The following MYOF variants were observed in gnomAD, a reference collection of about 807,000 sequenced individuals.
MYOF encodes the protein fer-1-like 3, myoferlin.
MYOF carries 244 observed loss-of-function variants against 284.2 expected under a neutral mutation model. That is an observed-to-expected ratio of 0.86 (90% CI 0.77 to 0.95). The LOEUF is 0.95. MYOF is among the 40% of genes least tolerant of loss of function. The probability of loss-of-function intolerance (pLI) is 0.00; values close to 1 mark genes in which losing one functional copy is unlikely to be tolerated. For synonymous variants in MYOF, 904 were observed against 919.7 expected (o/e 0.98, Z 0.31); for missense variants, 2,496 against 2,560.6 (o/e 0.97, Z 0.54).
intron 12 of MYOF, 90 bp downstream of exon 12, chr10:93,401,328 G>A: frequency 6.6e-7 from 1 of 1,519,584 alleles, no homozygotes; most frequent in East Asian, 2.3e-5. Context: ...CATACGATAG[G>A]GACACGAATC....
intron 5 of MYOF, among the ~76,000 whole-genome samples, chr10:93,410,963 T>C (rs1398119815): frequency 5.3e-5 from 8 of 152,238 alleles, no homozygotes; most frequent in Admixed American, 3.9e-4. Context: ...TTTCGAGCTA[T>C]GTGAGTCTGA....
intron 46 of MYOF, chr10:93,323,582 C>T (rs2761288): frequency 0.79 from 433,073 of 544,804 alleles, 173,772 homozygotes; most frequent in East Asian, 0.91. Flanking sequence ...GGGTCTCTGA[C>T]GGCTGCACAT....
chr10:93,365,389 T>C (rs1031516604), intron 26 of MYOF, among the ~76,000 whole-genome samples: 4 of 152,226 alleles, frequency 2.6e-5, no homozygotes, highest in Non-Finnish European at 4.4e-5. Context: ...AGGGGAACCA[T>C]CTTTACCACC....
intron 50 of MYOF, 122 bp downstream of exon 50, chr10:93,316,589 TCCC>T: frequency 1.2e-6 from 1 of 802,554 alleles, no homozygotes; most frequent in Non-Finnish European, 2.1e-6. Context: ...GTATCCCCTG[TCCC>T]CCCACCAGGC....
At chr10:93,399,909 T>C (rs1047813122) in intron 12 of MYOF, among the ~76,000 whole-genome samples, 6 of 152,084 alleles carry the variant, frequency 3.9e-5, no homozygotes, top group Non-Finnish European at 7.4e-5. Flanking sequence ...TGGTGGCACA[T>C]GCCTGTAATC....
At chr10:93,470,226 C>T (rs12245718) in intron 1 of MYOF, among the ~76,000 whole-genome samples, 7,131 of 106,938 alleles carry the variant, frequency 0.067, 429 homozygotes, top group East Asian at 0.28. Context: ...GAGACTCCAT[C>T]TCAAAAAAAA....
chr10:93,383,867 C>T (rs555616715), intron 19 of MYOF, among the ~76,000 whole-genome samples: 11 of 152,188 alleles, frequency 7.2e-5, no homozygotes, highest in South Asian at 6.2e-4. Context: ...GTGGGAACTA[C>T]GGGGATGATA....
At chr10:93,316,158 GA>G (rs1426485776) in intron 50 of MYOF, among the ~76,000 whole-genome samples, 1 of 152,000 alleles carries the variant, frequency 6.6e-6, no homozygotes, top group Non-Finnish European at 1.5e-5. Flanking sequence ...GTGGGATGCA[GA>G]AACAGAGCTG....
intron 38 of MYOF, among the ~76,000 whole-genome samples, chr10:93,340,990 G>T (rs941616270): frequency 6.6e-6 from 1 of 152,198 alleles, no homozygotes; most frequent in African/African-American, 2.4e-5. Context: ...AGGCCATGGA[G>T]CTGCTTCCGT....
chr10:93,347,543 A>C (rs1844255744), intron 37 of MYOF, 74 bp downstream of exon 37: 4 of 1,023,746 alleles, frequency 3.9e-6, no homozygotes, highest in Non-Finnish European at 5.0e-6. Flanking sequence ...TGGGCGACAG[A>C]GCGAGACTCC....
At chr10:93,407,650 A>G (rs1404704147) in intron 7 of MYOF, among the ~76,000 whole-genome samples, 17 of 150,634 alleles carry the variant, frequency 1.1e-4, no homozygotes, top group African/African-American at 4.2e-4. Context: ...AGGCAGGAGA[A>G]TGGCGTGAAC....
intron 32 of MYOF, among the ~76,000 whole-genome samples, chr10:93,352,586 A>T (rs1012757096): frequency 6.6e-6 from 1 of 152,232 alleles, no homozygotes; most frequent in Non-Finnish European, 1.5e-5. Context: ...AAATAATTTC[A>T]TCAAACTTTT....
At chr10:93,371,923 C>G (rs189859423) in intron 24 of MYOF, among the ~76,000 whole-genome samples, 1 of 152,172 alleles carries the variant, frequency 6.6e-6, no homozygotes, top group Admixed American at 6.5e-5. Context: ...TCTCCCACCC[C>G]CTGTGAAGCT....
chr10:93,400,789 T>C lies in MYOF; in HGVS notation c.1117+629A>G, dbSNP rs541703299. 2.0e-5 allele frequency among the ~76,000 whole-genome samples: 3 copies of C among 151,968 alleles called. No homozygotes were observed. In the East Asian group the frequency reaches 5.8e-4, roughly 29 times the overall value. ...AATGCAACCAGTCTCTTGCTGAATA[T>C]ATTTCATAATACAATAGTGGCAGAC... On this transcript the variant is annotated intron_variant, in intron 12 of 53. Coordinates refer to ENST00000359263, the MANE Select transcript of MYOF (RefSeq NM_013451.4).
intron 3 of MYOF, among the ~76,000 whole-genome samples, chr10:93,450,933 G>C (rs1408813356): frequency 1.3e-5 from 2 of 152,122 alleles, no homozygotes; most frequent in African/African-American, 4.8e-5. Context: ...AAGTAATTTG[G>C]CTTCCCATGT....
chr10:93,329,818 A>C lies in MYOF; in HGVS notation c.4828T>G (p.Cys1610Gly), dbSNP rs1269285980. 8 of 1,614,196 alleles carry C rather than the reference A, an allele frequency of 5.0e-6. No homozygotes were observed. Among genetic ancestry groups the C allele is most frequent in the Admixed American group, 1.7e-5 (1 of 60,020 alleles). ...AGGTCTTTTTCTTGAGGTAAGTAGC[A>C]GCTCAGTTCGTACATCCTAAATAAA... ...PVFGRMYELSCYLPQEKDLKI... is the reference protein window; with the variant it reads ...PVFGRMYELSGYLPQEKDLKI... Residue 1610 changes from cysteine (C) to glycine (G), a missense_variant, in exon 44 of 54, where the codon TGC becomes GGC. Physicochemically the swap from Cys to Gly is radical, Grantham distance 159. This residue lies in a region of MYOF where 2,436 missense variants were observed against 2,480.7 expected (regional missense o/e 0.98). Transcript: ENST00000359263.
chr10:93,356,773 G>A lies in MYOF; in HGVS notation c.3196C>T (p.Arg1066Cys). The change falls in exon 30 of 54, where the codon CGT becomes TGT. Residue 1066 changes from arginine to cysteine, a missense_variant. Around this residue, in one of 3 missense-constraint regions of MYOF, gnomAD observed 2,436 missense variants for 2,480.7 expected, o/e 0.98. Coordinates refer to ENST00000359263, the MANE Select transcript of MYOF (RefSeq NM_013451.4). ...LIGWKFHWKQ[R>C]SSDTFRRRRW... is the part of the protein sequence containing the mutation. ...CTGCGGCGGAAGGTATCTGAACTACGTTGTTTCCAGTGAAATTTCCAGCCA... is the reference window on the plus strand; with the variant it reads ...CTGCGGCGGAAGGTATCTGAACTACATTGTTTCCAGTGAAATTTCCAGCCA... 3 of 1,614,146 alleles carry A rather than the reference G, an allele frequency of 1.9e-6. No homozygotes were observed. Among genetic ancestry groups the A allele is most frequent in the Non-Finnish European group, 2.5e-6 (3 of 1,180,008 alleles).
At chr10:93,319,801 G>GCATTCT in intron 49 of MYOF, 71 bp downstream of exon 49, 4 of 1,594,146 alleles carry the variant, frequency 2.5e-6, no homozygotes, top group Non-Finnish European at 3.4e-6. Context: ...AGCAGCTCCA[G>GCATTCT]CATTCTATGA....
rs754214058 is a variant in MYOF at position 93,349,835 on chromosome 10, A to C, written c.4056T>G (p.Phe1352Leu). ...VIKNLKKTPNFPSSVLFMKVF... is the reference protein window; with the variant it reads ...VIKNLKKTPNLPSSVLFMKVF... ...CTTTCATGAAGAGAACAGAACTTGG[A>C]AAGTTGGGTGTCTTCTTAAGGTTTT... is the stretch of plus-strand genomic sequence containing the variant. Residue 1352 changes from phenylalanine to leucine, a missense_variant, in exon 36 of 54, where the codon TTT becomes TTG. Physicochemically the swap from Phe to Leu is conservative, Grantham distance 22. Coordinates refer to ENST00000359263, the MANE Select transcript of MYOF (RefSeq NM_013451.4). 6.2e-7 allele frequency: 1 copy of C among 1,614,040 alleles called. No individual in the cohort carries two copies. The highest frequency in any genetic ancestry group is 8.5e-7 in the Non-Finnish European group (1 of 1,179,996).
Sources: allele counts gnomAD v4.1 joint callset (sites outside exome capture counted in the v4.1 genomes callset), GRCh38; gene constraint gnomAD v4.1.1; regional missense constraint gnomAD v4.1.1; transcripts MANE v1.5; gene names NCBI Gene and HGNC (gene_info 2026-07-23, HGNC 2026-07-21).